ENOX1: variants seen among roughly 807,000 people sequenced by gnomAD.
The protein encoded by ENOX1 is candidate growth-related and time keeping constitutive hydroquinone (NADH) oxidase.
In ENOX1, 42 loss-of-function variants were observed where a neutral mutation model predicts 82.5. The ratio of observed to expected loss-of-function variants is 0.51; its 90% CI spans 0.40 to 0.66. ENOX1 has a LOEUF of 0.66. ENOX1 is among the 30% of genes least tolerant of loss of function. The pLI is 0.00. For synonymous variants in ENOX1, 271 were observed against 282.2 expected, an observed-to-expected ratio of 0.96 and a Z score of 0.40; for missense variants, 608 against 811.6, an observed-to-expected ratio of 0.75 and a Z score of 3.05.
intron 1 of ENOX1, among the ~76,000 whole-genome samples, chr13:43,768,295 T>C (rs1362602022): frequency 6.6e-6 from 1 of 152,194 alleles, no homozygotes; most frequent in Non-Finnish European, 1.5e-5. Flanking sequence ...GTAATGAACA[T>C]ATGCTTCCAT....
rs1460715978 is a variant in ENOX1 at position 43,412,138 on chromosome 13, C to T, written c.71-85G>A. ...AAATCACATTTCTAGATATGTGAGG[C>T]TTCATTTAGCACATTCCCAAACTAC... is the stretch of plus-strand genomic sequence containing the variant. On this transcript the variant is annotated intron_variant, in intron 4 of 16. Transcript: ENST00000690772. 2.1e-6 allele frequency: 3 copies of T among 1,462,870 alleles called. No individual in the cohort carries two copies. In the Admixed American group the frequency reaches 5.3e-5, roughly 26 times the overall value. 90.6% of individuals were successfully genotyped at this position (1,462,870 alleles called of 1,614,324 possible).
intron 12 of ENOX1, among the ~76,000 whole-genome samples, chr13:43,288,711 C>T (rs1017312245): frequency 6.6e-6 from 1 of 152,148 alleles, no homozygotes; most frequent in Non-Finnish European, 1.5e-5. Flanking sequence ...GCTATTCCTT[C>T]CTTCTAATTG....
At chr13:43,492,997 G>A (rs1392883951) in intron 2 of ENOX1, among the ~76,000 whole-genome samples, 1 of 152,202 alleles carries the variant, frequency 6.6e-6, no homozygotes, top group African/African-American at 2.4e-5. Flanking sequence ...CCCCAAGAAA[G>A]GGAATTCTGC....
intron 2 of ENOX1, among the ~76,000 whole-genome samples, chr13:43,502,703 C>T (rs1298486957): frequency 6.6e-6 from 1 of 151,346 alleles, no homozygotes; most frequent in Non-Finnish European, 1.5e-5. Flanking sequence ...AAGAAACTTA[C>T]CTTAACAAAA....
intron 14 of ENOX1, among the ~76,000 whole-genome samples, chr13:43,247,186 T>C (rs924929880): frequency 3.9e-5 from 6 of 152,058 alleles, no homozygotes; most frequent in Non-Finnish European, 8.8e-5. Context: ...CATGGCAGCA[T>C]GCGCCTGTAA....
intron 8 of ENOX1, among the ~76,000 whole-genome samples, chr13:43,351,432 ATTTT>A (rs1437672047): frequency 3.8e-5 from 5 of 130,928 alleles, no homozygotes; most frequent in African/African-American, 5.9e-5. Flanking sequence ...TTATTTATTT[ATTTT>A]TTATTATACT....
rs573256101 is a variant in ENOX1, at chr13:43,779,834, C to T, written c.-285+6818G>A. ...TGCACTTCCCTGCAAGCAGCATGTT[C>T]TCTTCCATGAGCAGCAACTGTGCCT... On this transcript the variant is annotated intron_variant, in intron 1 of 16. Coordinates refer to ENST00000690772, the MANE Select transcript of ENOX1 (RefSeq NM_001347969.2). 1.5e-4 allele frequency among the ~76,000 whole-genome samples: 23 copies of T among 152,288 alleles called. No homozygotes were observed. The South Asian group carries it at 4.8e-3, about 32-fold the overall frequency.
At chr13:43,718,101 A>T (rs149066512) in intron 1 of ENOX1, among the ~76,000 whole-genome samples, 1 of 152,230 alleles carries the variant, frequency 6.6e-6, no homozygotes, top group Non-Finnish European at 1.5e-5. Flanking sequence ...TTGCAACACT[A>T]TTCACAATAG....
At chr13:43,269,138 G>A (rs1239011756) in intron 13 of ENOX1, among the ~76,000 whole-genome samples, 1 of 152,124 alleles carries the variant, frequency 6.6e-6, no homozygotes, top group African/African-American at 2.4e-5. Flanking sequence ...TTTCCTCACT[G>A]TTAGACTTAA....
intron 7 of ENOX1, among the ~76,000 whole-genome samples, chr13:43,359,211 A>G (rs1261795752): frequency 6.6e-6 from 1 of 152,190 alleles, no homozygotes; most frequent in Non-Finnish European, 1.5e-5. Context: ...TCAGTCTGAG[A>G]ATGTGTCCTT....
At chr13:43,227,869 TTATCCAG>T (rs1229037212) in intron 15 of ENOX1, among the ~76,000 whole-genome samples, 1 of 152,072 alleles carries the variant, frequency 6.6e-6, no homozygotes, top group African/African-American at 2.4e-5. Context: ...GACAACCCAA[TTATCCAG>T]TGTTGCTAGA....
intron 11 of ENOX1, among the ~76,000 whole-genome samples, chr13:43,311,701 T>C (rs1258869816): frequency 6.6e-6 from 1 of 152,220 alleles, no homozygotes; most frequent in Admixed American, 6.5e-5. Flanking sequence ...AGTCAGTGTC[T>C]CAGTCTTTCA....
At chr13:43,400,912 A>G (rs2053459093) in intron 5 of ENOX1, among the ~76,000 whole-genome samples, 1 of 152,226 alleles carries the variant, frequency 6.6e-6, no homozygotes, top group Non-Finnish European at 1.5e-5. Context: ...ATCCTAATAC[A>G]GTAGAAACAC....
chr13:43,536,996 C>G (rs2078488535), intron 2 of ENOX1, among the ~76,000 whole-genome samples: 1 of 152,150 alleles, frequency 6.6e-6, no homozygotes, highest in Non-Finnish European at 1.5e-5. Flanking sequence ...TAGGACAAGA[C>G]ACAATGATGT....
intron 1 of ENOX1, among the ~76,000 whole-genome samples, chr13:43,673,752 C>G (rs1312876970): frequency 6.6e-6 from 1 of 152,218 alleles, no homozygotes; most frequent in Non-Finnish European, 1.5e-5. Flanking sequence ...TTTCTCTCTG[C>G]AGTATTTGTG....
chr13:43,308,255 C>T (rs371034930), intron 11 of ENOX1, among the ~76,000 whole-genome samples: 45 of 152,320 alleles, frequency 3.0e-4, no homozygotes, highest in African/African-American at 8.2e-4. Flanking sequence ...GGGTCTCACA[C>T]GCTCCACTTA....
intron 3 of ENOX1, among the ~76,000 whole-genome samples, chr13:43,413,733 TTA>T (rs1433873261): frequency 1.4e-5 from 2 of 147,520 alleles, no homozygotes; most frequent in African/African-American, 4.9e-5. Context: ...ATATATATAT[TTA>T]TATATAGTCT....
At chr13:43,326,768 C>T in intron 9 of ENOX1, among the ~76,000 whole-genome samples, 1 of 152,194 alleles carries the variant, frequency 6.6e-6, no homozygotes, top group East Asian at 1.9e-4. Context: ...AGGGCAAGGG[C>T]ATCTACTTCC....
chr13:43,266,925 C>T (rs1419980374), intron 13 of ENOX1, among the ~76,000 whole-genome samples: 5 of 152,146 alleles, frequency 3.3e-5, no homozygotes, highest in Non-Finnish European at 4.4e-5. Context: ...TCCACCTTTA[C>T]GTGTTTACCA....
Sources: allele counts gnomAD v4.1 joint callset (sites outside exome capture counted in the v4.1 genomes callset), GRCh38; gene constraint gnomAD v4.1.1; transcripts MANE v1.5; gene names NCBI Gene and HGNC (gene_info 2026-07-23, HGNC 2026-07-21).